RELCH: variants seen among roughly 807,000 people sequenced by gnomAD.
RELCH encodes RAB11-binding protein RELCH.
Under a neutral mutation model 150.3 loss-of-function variants are expected in RELCH, and 41 were observed. The observed-to-expected ratio is 0.27, with a 90% CI of 0.21 to 0.35. RELCH has a LOEUF of 0.35. Ranked by LOEUF, RELCH falls within the 10% of genes least tolerant of loss-of-function variation. The pLI is 1.00. For synonymous variants in RELCH, 478 were observed against 531.8 expected, an observed-to-expected ratio of 0.90 and a Z score of 1.39; for missense variants, 1,092 against 1,467.8, an observed-to-expected ratio of 0.74 and a Z score of 4.18.
intron 1 of RELCH, among the ~76,000 whole-genome samples, chr18:62,204,358 CAG>C (rs550705697): frequency 4.2e-4 from 64 of 152,104 alleles, no homozygotes; most frequent in African/African-American, 1.5e-3. Context: ...TTTTTTGAGA[CAG>C]AGTCTCCCTC....
chr18:62,206,506 G>A (rs1001048449), intron 1 of RELCH, among the ~76,000 whole-genome samples: 4 of 152,204 alleles, frequency 2.6e-5, no homozygotes, highest in African/African-American at 7.2e-5. Flanking sequence ...GGAGCCCAAG[G>A]TGGAGTCCAA....
rs565586580 is a variant in RELCH at position 62,276,583 on chromosome 18, A to G, written c.2967+1110A>G. 5.9e-5 allele frequency among the ~76,000 whole-genome samples: 9 copies of G among 152,284 alleles called. No individual in the cohort carries two copies. The East Asian group carries it at 1.7e-3, about 29-fold the overall frequency. On this transcript the variant is annotated intron_variant, in intron 22 of 28. Coordinates refer to ENST00000644646, the MANE Select transcript of RELCH (RefSeq NM_001346231.2). ...CTAAACATTTATTTCTATAAAAAGAATTGGTTAATTCAAATCTTGCCGAAT... is the reference window on the plus strand; with the variant it reads ...CTAAACATTTATTTCTATAAAAAGAGTTGGTTAATTCAAATCTTGCCGAAT...
intron 10 of RELCH, among the ~76,000 whole-genome samples, chr18:62,239,645 T>G (rs2042043180): frequency 6.6e-6 from 1 of 152,080 alleles, no homozygotes; most frequent in Non-Finnish European, 1.5e-5. Context: ...CAAATGATCT[T>G]TTCAATTGGA....
intron 1 of RELCH, among the ~76,000 whole-genome samples, chr18:62,190,317 G>A (rs192423805): frequency 0.012 from 1,774 of 152,228 alleles, 26 homozygotes; most frequent in African/African-American, 0.04. Flanking sequence ...AGTGGCTCAC[G>A]CCCGTAATCC....
intron 15 of RELCH, among the ~76,000 whole-genome samples, chr18:62,260,264 C>T (rs1048793773): frequency 4.1e-5 from 6 of 144,652 alleles, no homozygotes; most frequent in Non-Finnish European, 7.5e-5. Context: ...AGACATATGG[C>T]CAAAAGTTAT....
chr18:62,298,750 A>G, intron 27 of RELCH, 40 bp from the exon 28 acceptor site: 1 of 917,882 alleles, frequency 1.1e-6, no homozygotes, highest in East Asian at 2.4e-5. Flanking sequence ...GTATTTTACT[A>G]TGTAAACTGT....
chr18:62,203,009 A>G (rs948341736), intron 1 of RELCH, among the ~76,000 whole-genome samples: 2 of 152,222 alleles, frequency 1.3e-5, no homozygotes, highest in African/African-American at 4.8e-5. Context: ...TGGGCCTAAG[A>G]GAAGAGAAGA....
intron 10 of RELCH, among the ~76,000 whole-genome samples, chr18:62,235,941 TA>T (rs775517140): frequency 1.1e-4 from 16 of 152,072 alleles, no homozygotes; most frequent in Non-Finnish European, 2.1e-4. Flanking sequence ...AGATGGCTTT[TA>T]TTTTTTCCTC....
At chr18:62,258,764 G>T (rs903667679) in intron 15 of RELCH, 88 bp downstream of exon 15, 2 of 885,792 alleles carry the variant, frequency 2.3e-6, no homozygotes, top group African/African-American at 3.6e-5. Context: ...AACAGAGACA[G>T]AAAGTGCCCT....
intron 12 of RELCH, among the ~76,000 whole-genome samples, chr18:62,253,000 T>A (rs2042803947): frequency 6.6e-6 from 1 of 152,144 alleles, no homozygotes; most frequent in Admixed American, 6.5e-5. Flanking sequence ...TCACTAGGGA[T>A]ACAGTGGTGA....
chr18:62,289,806 T>C (rs1182263211), intron 26 of RELCH, among the ~76,000 whole-genome samples: 1 of 152,170 alleles, frequency 6.6e-6, no homozygotes, highest in Non-Finnish European at 1.5e-5. Context: ...GATTGATCCA[T>C]AGGGAAAAGG....
At chr18:62,254,735 A>C (rs566660014) in intron 12 of RELCH, 1 of 152,146 alleles carries the variant, frequency 6.6e-6, no homozygotes, top group Non-Finnish European at 1.5e-5. Context: ...TCATATGGGA[A>C]TATGAGAACA....
chr18:62,203,848 G>A (rs1250809812), intron 1 of RELCH, among the ~76,000 whole-genome samples: 1 of 152,036 alleles, frequency 6.6e-6, no homozygotes, highest in African/African-American at 2.4e-5. Flanking sequence ...AGCAATGGTG[G>A]CACATCTCTA....
At chr18:62,200,386 T>G (rs1460518052) in intron 1 of RELCH, among the ~76,000 whole-genome samples, 1 of 152,178 alleles carries the variant, frequency 6.6e-6, no homozygotes, top group Non-Finnish European at 1.5e-5. Context: ...GTACATAGCT[T>G]CAGTTCTCTC....
intron 19 of RELCH, among the ~76,000 whole-genome samples, chr18:62,267,901 T>C (rs1439474399): frequency 6.6e-6 from 1 of 151,954 alleles, no homozygotes; most frequent in East Asian, 1.9e-4. Flanking sequence ...TCTATGAATA[T>C]ACTTTAAGCT....
intron 11 of RELCH, among the ~76,000 whole-genome samples, chr18:62,249,290 A>C (rs1487085970): frequency 2.0e-5 from 3 of 152,212 alleles, no homozygotes; most frequent in Admixed American, 2.0e-4. Flanking sequence ...ACTTCTATAG[A>C]CTTTGAAATT....
intron 11 of RELCH, among the ~76,000 whole-genome samples, chr18:62,251,846 G>A (rs753494462): frequency 6.6e-6 from 1 of 152,048 alleles, no homozygotes; most frequent in Non-Finnish European, 1.5e-5. Context: ...AGGTAATTTG[G>A]AAGGTTATGA....
intron 15 of RELCH, 42 bp from the exon 16 acceptor site, chr18:62,261,469 C>A: frequency 1.3e-6 from 2 of 1,590,586 alleles, no homozygotes; most frequent in Non-Finnish European, 1.7e-6. Flanking sequence ...AGCAATGTAA[C>A]TTCAAAAGAC....
intron 26 of RELCH, among the ~76,000 whole-genome samples, chr18:62,290,019 G>GC (rs147206763): frequency 0.011 from 1,699 of 152,242 alleles, 22 homozygotes; most frequent in East Asian, 0.038. Flanking sequence ...TTAGGTTGTA[G>GC]CCCTCTATAT....
Sources: gnomAD v4.1 joint callset for allele counts (sites outside exome capture counted in the v4.1 genomes callset) on GRCh38, gnomAD v4.1.1 for gene constraint, MANE v1.5 for transcripts, NCBI Gene and HGNC (gene_info 2026-07-23, HGNC 2026-07-21) for gene names.